TESC: variants seen among roughly 807,000 people sequenced by gnomAD.
TESC encodes the protein tescalcin, also known as calcineurin B homologous protein 3.
In TESC, 19 loss-of-function variants were observed where a neutral mutation model predicts 31.0. That is an observed-to-expected ratio of 0.61 (90% CI 0.43 to 0.90). The LOEUF is 0.90. TESC is among the 40% of genes least tolerant of loss of function. The pLI is 0.00. For missense variants in TESC, 248 were observed against 303.8 expected (o/e 0.82, Z 1.36); for synonymous variants, 109 against 114.8 (o/e 0.95, Z 0.32).
rs1444134774 is a variant in TESC, at chr12:117,056,856, C to T, written c.159G>A (p.Leu53=). The T allele has an allele frequency of 6.2e-7, 1 of 1,614,118 alleles. No homozygotes were observed. Among genetic ancestry groups the T allele is most frequent in the South Asian group, 1.1e-5 (1 of 91,076 alleles). ...RKENFNNVPD[L]ELNPIRSKIV... ...TTTTGGATCGGATGGGGTTGAGCTCCAGGTCCGGGACATTGTTGAAGTTCT... is the reference window on the plus strand; with the variant it reads ...TTTTGGATCGGATGGGGTTGAGCTCTAGGTCCGGGACATTGTTGAAGTTCT... The change falls in exon 3 of 8, where the codon CTG becomes CTA. Residue 53 remains leucine (L), a synonymous_variant. Transcript: ENST00000335209.
intron 7 of TESC, 120 bp downstream of exon 7, chr12:117,041,827 T>G (rs115519990): frequency 1.0e-6 from 1 of 985,622 alleles, no homozygotes; most frequent in African/African-American, 1.6e-5. Flanking sequence ...TACTGAGATG[T>G]TGGTCACCCA....
intron 2 of TESC, among the ~76,000 whole-genome samples, chr12:117,071,800 G>A (rs1366010217): frequency 6.6e-6 from 1 of 152,180 alleles, no homozygotes; most frequent in East Asian, 1.9e-4. Context: ...GGCGCCATCA[G>A]CACAGAGAGG....
At chr12:117,045,071 C>A (rs1219535368) in intron 6 of TESC, among the ~76,000 whole-genome samples, 1 of 152,236 alleles carries the variant, frequency 6.6e-6, no homozygotes, top group African/African-American at 2.4e-5. Flanking sequence ...CCCCTTGCCC[C>A]CAGCTCAGGC....
At chr12:117,055,227 C>T (rs544087167) in intron 3 of TESC, among the ~76,000 whole-genome samples, 9 of 152,278 alleles carry the variant, frequency 5.9e-5, no homozygotes, top group African/African-American at 1.9e-4. Context: ...CTGCAACCTC[C>T]ACCTCCCGAG....
At chr12:117,087,689 G>A (rs981949427) in intron 1 of TESC, among the ~76,000 whole-genome samples, 2 of 152,174 alleles carry the variant, frequency 1.3e-5, no homozygotes, top group African/African-American at 4.8e-5. Context: ...TAACCACCAT[G>A]TGCTTTAGCT....
intron 3 of TESC, among the ~76,000 whole-genome samples, chr12:117,054,327 A>C: frequency 1.3e-5 from 2 of 149,236 alleles, no homozygotes; most frequent in East Asian, 2.0e-4. Flanking sequence ...TCACACCCTC[A>C]CCTTAAAGTC....
At chr12:117,067,685 C>T (rs1954906728) in intron 2 of TESC, among the ~76,000 whole-genome samples, 1 of 152,216 alleles carries the variant, frequency 6.6e-6, no homozygotes, top group African/African-American at 2.4e-5. Context: ...TGGTTTGAGG[C>T]TACATCTCTT....
At chr12:117,087,429 G>A (rs1048058000) in intron 1 of TESC, among the ~76,000 whole-genome samples, 2 of 152,076 alleles carry the variant, frequency 1.3e-5, no homozygotes, top group African/African-American at 4.8e-5. Flanking sequence ...GGATACCAAG[G>A]GTCCTGTTAG....
chr12:117,056,813 CGAA>C lies in TESC; in HGVS notation c.199_201del (p.Phe67del). The C allele has an allele frequency of 6.2e-7, 1 of 1,614,070 alleles. No homozygotes were observed. The highest frequency in any genetic ancestry group is 8.5e-7 in the Non-Finnish European group (1 of 1,180,002). ...TCAGGGGAAAACGCCCACCTGTTGT[CGAA>C]GAAGGCACGAACAATTTTGGATCGG... is the stretch of plus-strand genomic sequence containing the variant. On this transcript the variant is annotated inframe_deletion, in exon 3 of 8. Coordinates refer to ENST00000335209, the MANE Select transcript of TESC (RefSeq NM_017899.4).
At chr12:117,062,126 T>C (rs1175516527) in intron 2 of TESC, among the ~76,000 whole-genome samples, 2 of 152,152 alleles carry the variant, frequency 1.3e-5, no homozygotes, top group Non-Finnish European at 2.9e-5. Context: ...CTAACCTACG[T>C]ACCCTCAAAA....
chr12:117,064,418 C>G (rs1025744782), intron 2 of TESC, among the ~76,000 whole-genome samples: 2 of 152,182 alleles, frequency 1.3e-5, no homozygotes, highest in Non-Finnish European at 2.9e-5. Context: ...TCGCCAAGAC[C>G]ACTCCCCCAG....
chr12:117,041,085 T>C (rs773802870), intron 7 of TESC, among the ~76,000 whole-genome samples: 84 of 152,190 alleles, frequency 5.5e-4, no homozygotes, highest in Non-Finnish European at 1.1e-3. Flanking sequence ...GGCATCTGAT[T>C]ATCAAAACGG....
At chr12:117,071,803 C>T (rs1593012102) in intron 2 of TESC, among the ~76,000 whole-genome samples, 1 of 152,138 alleles carries the variant, frequency 6.6e-6, no homozygotes, top group East Asian at 1.9e-4. Context: ...GCCATCAGCA[C>T]AGAGAGGCCG....
chr12:117,055,361 TCA>T (rs1466749578), intron 3 of TESC, among the ~76,000 whole-genome samples: 2 of 152,182 alleles, frequency 1.3e-5, no homozygotes, highest in Non-Finnish European at 2.9e-5. Context: ...CTGGCTGGTC[TCA>T]AGCTCCTGAC....
rs1380376253 is a variant in TESC, at chr12:117,099,373, G to T, written c.-91C>A. ...AGCGGCGGGACTGGCCTCGGGTCCG[G>T]CCTCGGGTCGGGACGCCGGCGAAGG... is the stretch of plus-strand genomic sequence containing the variant. On this transcript the variant is annotated 5_prime_UTR_variant, in exon 1 of 8. Coordinates refer to ENST00000335209, the MANE Select transcript of TESC (RefSeq NM_017899.4). 3.2e-6 allele frequency: 4 copies of T among 1,255,700 alleles called. No individual in the cohort carries two copies. The highest frequency in any genetic ancestry group is 3.0e-6 in the Non-Finnish European group (3 of 985,804). The allele number at this position is 1,255,700 out of a possible 1,614,324, so 77.8% of individuals were successfully genotyped here.
At chr12:117,088,518 TA>T (rs35656208) in intron 1 of TESC, among the ~76,000 whole-genome samples, 4 of 152,150 alleles carry the variant, frequency 2.6e-5, no homozygotes, top group Admixed American at 2.6e-4. Flanking sequence ...CCGTCTCTAC[TA>T]AAAATACAAA....
intron 1 of TESC, among the ~76,000 whole-genome samples, chr12:117,091,902 C>T (rs777395633): frequency 1.1e-4 from 17 of 152,158 alleles, no homozygotes; most frequent in African/African-American, 3.4e-4. Context: ...ACAGATGTGC[C>T]GACTCTCAGA....
At chr12:117,062,105 T>C (rs1233500799) in intron 2 of TESC, among the ~76,000 whole-genome samples, 1 of 152,170 alleles carries the variant, frequency 6.6e-6, no homozygotes, top group East Asian at 1.9e-4. Context: ...ATAATAATAA[T>C]GTAACAGCAG....
In TESC at chr12:117,046,624, CCTT is replaced by C; in HGVS notation, c.451_453del (p.Lys151del). 6.4e-7 allele frequency: 1 copy of C among 1,551,758 alleles called. No homozygotes were observed. The highest frequency in any genetic ancestry group is 1.2e-5 in the South Asian group (1 of 84,076). On this transcript the variant is annotated inframe_deletion, in exon 6 of 8. Transcript: ENST00000335209. ...CCGTCGGCGATGGAGCGAGCGGACT[CCTT>C]CTCGATGTGAGGGTTTCCCGACAGC...
Sources: allele counts gnomAD v4.1 joint callset (sites outside exome capture counted in the v4.1 genomes callset), GRCh38; gene constraint gnomAD v4.1.1; transcripts MANE v1.5; gene names NCBI Gene and HGNC (gene_info 2026-07-23, HGNC 2026-07-21).